TMEM233: variants seen among roughly 807,000 people sequenced by gnomAD.
TMEM233 encodes the protein dispanin subfamily B member 2.
Under a neutral mutation model 11.2 loss-of-function variants are expected in TMEM233, and 6 were observed. The observed-to-expected ratio is 0.54, with a 90% CI of 0.29 to 1.06. TMEM233 has a LOEUF of 1.06. TMEM233 is among the 50% of genes least tolerant of loss of function. TMEM233 has a pLI of 0.08. For missense variants in TMEM233, 127 were observed against 144.7 expected (o/e 0.88, Z 0.63); for synonymous variants, 59 against 55.8 (o/e 1.06, Z -0.26).
At chr12:119,648,951 T>C in the TMEM233 span, among the ~76,000 whole-genome samples, 1 of 152,132 alleles carries the variant, frequency 6.6e-6, no homozygotes. Flanking sequence ...ATCGTGATGG[T>C]TTAGAAAAAG....
At position 119,641,414 on chromosome 12, in the gene TMEM233, C is replaced by G. The variant is rs1273084170; in HGVS notation, c.*709C>G. ...CACTCAAACAGGCTCTGAGAATGGA[C>G]TTAGTGGCCAATTCTAGGTACATGA... On this transcript the variant is annotated 3_prime_UTR_variant, in exon 3 of 3. Coordinates refer to ENST00000426426, the MANE Select transcript of TMEM233 (RefSeq NM_001136534.3). 1.3e-5 allele frequency: 2 copies of G among 152,108 alleles called. No individual in the cohort carries two copies. Among genetic ancestry groups the G allele is most frequent in the African/African-American group, 4.8e-5 (2 of 41,410 alleles). The allele number at this position is 152,108 out of a possible 1,614,324, so 9.4% of individuals were successfully genotyped here.
chr12:119,637,089 C>T (rs144401089), intron 2 of TMEM233, among the ~76,000 whole-genome samples: 3 of 152,348 alleles, frequency 2.0e-5, no homozygotes, highest in South Asian at 2.1e-4. Flanking sequence ...CATCCGTGCT[C>T]ATGATCATTG....
intron 2 of TMEM233, 132 bp downstream of exon 2, chr12:119,630,004 G>C (rs1954847599): frequency 1.8e-6 from 2 of 1,095,542 alleles, no homozygotes; most frequent in African/African-American, 1.6e-5. Flanking sequence ...TTTCTTCTCA[G>C]AATAAATTTG....
At chr12:119,652,090 C>T in the TMEM233 span, among the ~76,000 whole-genome samples, 1 of 147,662 alleles carries the variant, frequency 6.8e-6, no homozygotes, top group African/African-American at 2.4e-5. Context: ...TCACAAACAT[C>T]ATTGCTGCAA....
chr12:119,614,623 T>C (rs1391859640), intron 1 of TMEM233, among the ~76,000 whole-genome samples: 1 of 152,168 alleles, frequency 6.6e-6, no homozygotes, highest in East Asian at 1.9e-4. Context: ...AAAATAATTA[T>C]CCTAAGGGCT....
chr12:119,619,374 C>T (rs1466720390), intron 1 of TMEM233, among the ~76,000 whole-genome samples: 1 of 152,140 alleles, frequency 6.6e-6, no homozygotes. Context: ...GGCATGGTGG[C>T]TCATGTCTAT....
intron 1 of TMEM233, among the ~76,000 whole-genome samples, chr12:119,614,329 C>T (rs1302170962): frequency 6.6e-6 from 1 of 151,838 alleles, no homozygotes; most frequent in East Asian, 1.9e-4. Flanking sequence ...ATCGCTTGAA[C>T]GTGGGAAGCG....
intron 2 of TMEM233, among the ~76,000 whole-genome samples, chr12:119,638,212 C>A (rs1290283506): frequency 6.6e-6 from 1 of 152,196 alleles, no homozygotes; most frequent in Non-Finnish European, 1.5e-5. Flanking sequence ...GAAATCCCAG[C>A]ACTTTGGGAG....
intron 1 of TMEM233, among the ~76,000 whole-genome samples, chr12:119,609,180 G>T (rs1391316547): frequency 6.6e-6 from 1 of 152,130 alleles, no homozygotes; most frequent in Non-Finnish European, 1.5e-5. Flanking sequence ...AACTTTTTGG[G>T]AACTGGAGTA....
At position 119,594,989 on chromosome 12, in the gene TMEM233, C is replaced by G. The variant is rs377476537; in HGVS notation, c.186+955C>G. On this transcript the variant is annotated intron_variant, in intron 1 of 2. Coordinates refer to ENST00000426426, the MANE Select transcript of TMEM233 (RefSeq NM_001136534.3). The surrounding 1 kb of genome is among the most constrained non-coding windows in gnomAD (Gnocchi z 5.6). ...GAACTAGGGGATTCCACGCAACGTG[C>G]GGCTCCGCCCGCCCTCTGCGCTCAG... Among the ~76,000 whole-genome samples, 1 of 152,200 alleles carries G rather than the reference C, an allele frequency of 6.6e-6. No individual in the cohort carries two copies. Among genetic ancestry groups the G allele is most frequent in the Non-Finnish European group, 1.5e-5 (1 of 68,032 alleles).
At chr12:119,628,796 G>A (rs905033468) in intron 1 of TMEM233, among the ~76,000 whole-genome samples, 9 of 151,736 alleles carry the variant, frequency 5.9e-5, no homozygotes, top group Admixed American at 2.0e-4. Context: ...CACCACGCCC[G>A]GCCCACCAGC....
At chr12:119,653,163 G>T in the TMEM233 span, among the ~76,000 whole-genome samples, 1 of 152,076 alleles carries the variant, frequency 6.6e-6, no homozygotes, top group Non-Finnish European at 1.5e-5. Flanking sequence ...GGAGGCCGAG[G>T]TGGATGGATC....
In TMEM233 at chr12:119,640,732, C is replaced by T. The variant is rs781693510; in HGVS notation, c.*27C>T. The T allele has an allele frequency of 6.4e-7, 1 of 1,550,584 alleles. No homozygotes were observed. The highest frequency in any genetic ancestry group is 8.7e-7 in the Non-Finnish European group (1 of 1,146,830). Reference sequence around the variant, plus strand: ...GAACCAGCGGTCAGTGGGCTGTGAGCGTGGAGGATGGACCTCATCCACACA... The same window carrying T: ...GAACCAGCGGTCAGTGGGCTGTGAGTGTGGAGGATGGACCTCATCCACACA... On this transcript the variant is annotated 3_prime_UTR_variant, in exon 3 of 3. Transcript: ENST00000426426.
At position 119,642,670 on chromosome 12, in the gene TMEM233, GCCTACTTA is replaced by G. The variant is rs1955100905; in HGVS notation, c.*1969_*1976del. The G allele has an allele frequency of 6.6e-6, 1 of 152,098 alleles. No individual in the cohort carries two copies. The highest frequency in any genetic ancestry group is 2.4e-5 in the African/African-American group (1 of 41,404). 9.4% of individuals were successfully genotyped at this position (152,098 alleles called of 1,614,324 possible). A position where few individuals can be genotyped will look rare whatever the true frequency, so the allele number is the denominator to read the frequency against. ...CTGCAAAATGGGGATAAGAATGCCTGCCTACTTACCTCACAGTGCTGTTATGAGAATTA... is the reference window on the plus strand; with the variant it reads ...CTGCAAAATGGGGATAAGAATGCCTGCCTCACAGTGCTGTTATGAGAATTA... On this transcript the variant is annotated 3_prime_UTR_variant, in exon 3 of 3. Transcript: ENST00000426426.
At chr12:119,651,001 C>T in the TMEM233 span, among the ~76,000 whole-genome samples, 3 of 152,140 alleles carry the variant, frequency 2.0e-5, no homozygotes, top group African/African-American at 7.2e-5. Flanking sequence ...GATATATTTT[C>T]TATGCACAAT....
At chr12:119,629,654 T>G in intron 1 of TMEM233, 82 bp from the exon 2 acceptor site, 1 of 1,407,982 alleles carries the variant, frequency 7.1e-7, no homozygotes, top group Non-Finnish European at 9.4e-7. Context: ...CTTGGAACCT[T>G]TTCATCAGGA....
At chr12:119,653,391 C>CAAAAA in the TMEM233 span, among the ~76,000 whole-genome samples, 187 of 80,998 alleles carry the variant, frequency 2.3e-3, 1 homozygote, top group Admixed American at 2.6e-3. Context: ...GACGCCACCT[C>CAAAAA]AAAAAAAAAA....
intron 1 of TMEM233, among the ~76,000 whole-genome samples, chr12:119,611,228 T>C (rs948094582): frequency 2.6e-5 from 4 of 152,172 alleles, no homozygotes; most frequent in African/African-American, 9.7e-5. Flanking sequence ...GATAACAATA[T>C]GTTTAACTTG....
At chr12:119,627,764 C>T (rs1183519411) in intron 1 of TMEM233, among the ~76,000 whole-genome samples, 2 of 152,166 alleles carry the variant, frequency 1.3e-5, no homozygotes, top group African/African-American at 4.8e-5. Context: ...GGACTTGACT[C>T]CAGACCAGAT....
Sources: gnomAD v4.1 joint callset for allele counts (sites outside exome capture counted in the v4.1 genomes callset) on GRCh38, gnomAD v4.1.1 for gene constraint, Gnocchi (gnomAD v3.1) non-coding constraint, MANE v1.5 for transcripts, NCBI Gene and HGNC (gene_info 2026-07-23, HGNC 2026-07-21) for gene names.